ADGB: variants seen among roughly 807,000 people sequenced by gnomAD.
ADGB encodes androglobin.
In ADGB, 172 loss-of-function variants were observed where a neutral mutation model predicts 210.5. The observed-to-expected ratio is 0.82, with a 90% confidence interval of 0.72 to 0.93. The LOEUF is 0.93. ADGB is among the 40% of genes least tolerant of loss of function. The pLI is 0.00. For missense variants in ADGB, 2,025 were observed against 1,964.8 expected (o/e 1.03, Z -0.58); for synonymous variants, 658 against 662.7 (o/e 0.99, Z 0.11).
At chr6:146,744,066 T>C (rs1168146083) in intron 25 of ADGB, among the ~76,000 whole-genome samples, 1 of 152,210 alleles carries the variant, frequency 6.6e-6, no homozygotes, top group Non-Finnish European at 1.5e-5. Context: ...CCTTTGTCCC[T>C]GCTAAAATGT....
At chr6:146,764,170 C>T in intron 28 of ADGB, 70 bp downstream of exon 28, 1 of 1,350,174 alleles carries the variant, frequency 7.4e-7, no homozygotes, top group South Asian at 1.5e-5. Context: ...AATCATTTCC[C>T]TAAAAATAGT....
intron 35 of ADGB, among the ~76,000 whole-genome samples, chr6:146,804,582 G>A (rs1027411499): frequency 6.6e-5 from 10 of 151,988 alleles, no homozygotes; most frequent in African/African-American, 9.7e-5. Context: ...CACTCCCCAC[G>A]TGCGATCAAT....
At chr6:146,729,562 G>A (rs1007213938) in intron 20 of ADGB, among the ~76,000 whole-genome samples, 1 of 151,982 alleles carries the variant, frequency 6.6e-6, no homozygotes, top group Non-Finnish European at 1.5e-5. Context: ...ACCCTCCCAA[G>A]AGGCTAGGAC....
intron 3 of ADGB, among the ~76,000 whole-genome samples, chr6:146,651,479 A>G (rs1775701755): frequency 6.6e-6 from 1 of 152,130 alleles, no homozygotes; most frequent in African/African-American, 2.4e-5. Context: ...TTAAAAGACA[A>G]TTTTTGCTCT....
In ADGB at chr6:146,752,619, A is replaced by AAAATGAAG. The variant is rs1376993743; in HGVS notation, c.3459_3466dup (p.Thr1156MetfsTer6). 1 of 1,551,040 alleles carries AAAATGAAG rather than the reference A, an allele frequency of 6.4e-7. No individual in the cohort carries two copies. Among genetic ancestry groups the AAAATGAAG allele is most frequent in the Admixed American group, 2.0e-5 (1 of 50,964 alleles). The stretch of plus-strand genomic sequence containing the variant: ...GCATTCATCAAGCTGCAGGTCCTAG[A>AAAATGAAG]AAATGAAGAAACTATGGTGAGCTCC... On this transcript the variant is annotated frameshift_variant, in exon 27 of 36. Transcript: ENST00000397944. LOFTEE classifies it high-confidence loss of function.
chr6:146,717,218 C>A, intron 15 of ADGB, 149 bp downstream of exon 15: 3 of 614,030 alleles, frequency 4.9e-6, no homozygotes, highest in Admixed American at 3.5e-5. Flanking sequence ...CCAAAATAAG[C>A]CAATAACAGC....
intron 3 of ADGB, among the ~76,000 whole-genome samples, chr6:146,650,556 G>T (rs1775685903): frequency 1.2e-5 from 1 of 86,328 alleles, no homozygotes; most frequent in Non-Finnish European, 2.1e-5. Context: ...CCTGCACAAA[G>T]CTTGACACAG....
chr6:146,651,379 C>T (rs1775700186), intron 3 of ADGB, among the ~76,000 whole-genome samples: 1 of 152,194 alleles, frequency 6.6e-6, no homozygotes, highest in African/African-American at 2.4e-5. Flanking sequence ...GCTCACTGCC[C>T]AGAGGCCAGA....
intron 11 of ADGB, 139 bp downstream of exon 11, chr6:146,691,429 TATATATATATATAA>T (rs1562275493): frequency 1.7e-4 from 5 of 29,406 alleles, no homozygotes; most frequent in African/African-American, 1.1e-3. Context: ...TATATATATA[TATATATATATATAA>T]AAATATATAT....
chr6:146,680,622 G>C (rs532576322), intron 9 of ADGB, among the ~76,000 whole-genome samples: 1 of 152,064 alleles, frequency 6.6e-6, no homozygotes, highest in Non-Finnish European at 1.5e-5. Flanking sequence ...TGGAACCTGC[G>C]ACAATTTAGA....
At chr6:146,627,085 C>A (rs934683546) in intron 1 of ADGB, among the ~76,000 whole-genome samples, 1 of 151,698 alleles carries the variant, frequency 6.6e-6, no homozygotes, top group Non-Finnish European at 1.5e-5. Context: ...CTTTTTTTAT[C>A]TTCCTTGTCT....
At chr6:146,755,673 A>T (rs868314017) in intron 27 of ADGB, among the ~76,000 whole-genome samples, 50 of 152,094 alleles carry the variant, frequency 3.3e-4, no homozygotes, top group Admixed American at 2.8e-3. Context: ...AGACTAATAT[A>T]AAATGCAAGA....
intron 27 of ADGB, among the ~76,000 whole-genome samples, chr6:146,756,718 A>C (rs1220752295): frequency 6.6e-6 from 1 of 151,386 alleles, no homozygotes; most frequent in Admixed American, 6.6e-5. Context: ...CGACATCAAC[A>C]TGTTCATCAT....
At position 146,611,850 on chromosome 6, in the gene ADGB, A is replaced by AT. The variant is rs561250951; in HGVS notation, c.74+12745dup. On this transcript the variant is annotated intron_variant, in intron 1 of 35. Coordinates refer to ENST00000397944, the MANE Select transcript of ADGB (RefSeq NM_024694.4). The stretch of plus-strand genomic sequence containing the variant: ...ACTAGCCTTTGGGTTCTGCAGATCT[A>AT]TTTTTTTTTATGGATTTTGGTTAAA... Among the ~76,000 whole-genome samples, 42 of 150,608 alleles carry AT rather than the reference A, an allele frequency of 2.8e-4. No homozygotes were observed. In the South Asian group the frequency reaches 4.0e-3, roughly 14 times the overall value.
rs376668806 is a variant in ADGB, at chr6:146,632,081, C to A, written c.75-3294C>A. Among the ~76,000 whole-genome samples, 4 of 151,992 alleles carry A rather than the reference C, an allele frequency of 2.6e-5. No individual in the cohort carries two copies. In the East Asian group the frequency reaches 7.7e-4, roughly 29 times the overall value. On this transcript the variant is annotated intron_variant, in intron 1 of 35. Transcript: ENST00000397944. ...GGCTGCTAGAATAAAATATCACAAA[C>A]TTAATGGCTTCAAATCACATACATT...
intron 26 of ADGB, among the ~76,000 whole-genome samples, chr6:146,748,774 C>A (rs1777278874): frequency 1.3e-5 from 2 of 152,108 alleles, no homozygotes; most frequent in African/African-American, 4.8e-5. Flanking sequence ...GAGACAGACT[C>A]TTGCTATGTT....
intron 9 of ADGB, among the ~76,000 whole-genome samples, chr6:146,683,141 A>G (rs1776180037): frequency 6.6e-6 from 1 of 152,104 alleles, no homozygotes; most frequent in Non-Finnish European, 1.5e-5. Context: ...GTTCCTCACC[A>G]GGCGCCAGCA....
chr6:146,662,021 C>T (rs1023426306), intron 5 of ADGB, among the ~76,000 whole-genome samples: 7 of 152,136 alleles, frequency 4.6e-5, no homozygotes, highest in African/African-American at 1.4e-4. Flanking sequence ...TCCTTCCCCT[C>T]TAACAGGTCT....
chr6:146,609,660 C>G (rs1210084974), intron 1 of ADGB, among the ~76,000 whole-genome samples: 2 of 152,190 alleles, frequency 1.3e-5, no homozygotes, highest in Non-Finnish European at 2.9e-5. Flanking sequence ...ATTCCCTTAG[C>G]ATATGCTTGT....
Sources: gnomAD v4.1 joint callset for allele counts (sites outside exome capture counted in the v4.1 genomes callset) on GRCh38, gnomAD v4.1.1 for gene constraint, MANE v1.5 for transcripts, NCBI Gene and HGNC (gene_info 2026-07-23, HGNC 2026-07-21) for gene names.